The following MATR3 variants were observed in gnomAD, a reference collection of about 807,000 sequenced individuals.
MATR3 encodes matrin-3.
MATR3 carries 4 observed loss-of-function variants against 85.5 expected under a neutral mutation model. That is an observed-to-expected ratio of 0.05 (90% CI 0.02 to 0.11). MATR3 has a LOEUF of 0.11. MATR3 is among the 10% of genes least tolerant of loss of function. The pLI is 1.00. For missense variants in MATR3, 685 were observed against 1,016.1 expected (o/e 0.67, Z 4.43); for synonymous variants, 336 against 343.1 (o/e 0.98, Z 0.23).
rs886060005 is a variant in MATR3 at position 139,331,617 on chromosome 5, G to T, written c.*2222G>T. The T allele has an allele frequency of 2.4e-5, 11 of 453,810 alleles. No individual in the cohort carries two copies. Among genetic ancestry groups the T allele is most frequent in the Non-Finnish European group, 4.4e-5 (10 of 226,766 alleles). 28.1% of individuals were successfully genotyped at this position (453,810 alleles called of 1,614,324 possible). On this transcript the variant is annotated 3_prime_UTR_variant, in exon 15 of 15. Coordinates refer to ENST00000394805, the MANE Select transcript of MATR3 (RefSeq NM_018834.6). ...GAACATTTTTCCTACGGCTATGTCA[G>T]CCCTTAGTTTAATCTTACATTATCC... is the stretch of plus-strand genomic sequence containing the variant.
intron 4 of MATR3, 116 bp from the exon 5 acceptor site, chr5:139,315,960 A>C: frequency 1.2e-6 from 1 of 856,514 alleles, no homozygotes; most frequent in East Asian, 2.5e-5. Flanking sequence ...CTTCACAGAT[A>C]CTCTGAAAGA....
chr5:139,278,716 T>C (rs1167148241), intron 2 of MATR3: 1 of 474,054 alleles, frequency 2.1e-6, no homozygotes, highest in African/African-American at 2.0e-5. Flanking sequence ...ATTCAACTGA[T>C]ACGTCTTCTA....
chr5:139,315,112 T>C (rs1327567033), intron 3 of MATR3: 1 of 212,026 alleles, frequency 4.7e-6, no homozygotes, highest in African/African-American at 2.4e-5. Flanking sequence ...TATTAAAAGA[T>C]TCTAATTCAT....
At chr5:139,280,866 A>G (rs548474719) in intron 3 of MATR3, among the ~76,000 whole-genome samples, 1 of 152,206 alleles carries the variant, frequency 6.6e-6, no homozygotes, top group South Asian at 2.1e-4. Flanking sequence ...AATATCCCAA[A>G]AGGCATCAAT....
At chr5:139,311,278 A>G (rs921639864) in intron 2 of MATR3, 1 of 152,212 alleles carries the variant, frequency 6.6e-6, no homozygotes, top group Non-Finnish European at 1.5e-5. Context: ...TCTCAGATAC[A>G]TCAAGGTGAA....
At chr5:139,283,106 C>G (rs988490903) in intron 3 of MATR3, 1 of 152,266 alleles carries the variant, frequency 6.6e-6, no homozygotes, top group Non-Finnish European at 1.5e-5. Context: ...TGCTGTAGTC[C>G]TTACATGGCT....
chr5:139,293,698 C>T, upstream of MATR3: 1 of 329,204 alleles, frequency 3.0e-6, no homozygotes, highest in Non-Finnish European at 5.5e-6. Flanking sequence ...GCTGCAGCCG[C>T]TGCCGCCGCT....
chr5:139,298,853 C>G (rs1308866419), intron 1 of MATR3, among the ~76,000 whole-genome samples: 1 of 152,066 alleles, frequency 6.6e-6, no homozygotes, highest in Non-Finnish European at 1.5e-5. Flanking sequence ...TTGAAAACAA[C>G]TTAAATGTTC....
chr5:139,317,006 A>G (rs1755282092), intron 5 of MATR3, 47 bp from the exon 6 acceptor site: 1 of 1,547,974 alleles, frequency 6.5e-7, no homozygotes, highest in Non-Finnish European at 8.9e-7. Flanking sequence ...TGCTTCTTTA[A>G]GCAAGTATAG....
intron 14 of MATR3, among the ~76,000 whole-genome samples, chr5:139,328,959 C>T (rs568104708): frequency 3.2e-4 from 49 of 151,950 alleles, no homozygotes; most frequent in African/African-American, 1.1e-3. Context: ...TAGCCGAGAT[C>T]ACGACACTGC....
intron 1 of MATR3, chr5:139,294,048 A>C: frequency 7.9e-7 from 1 of 1,272,682 alleles, no homozygotes; most frequent in South Asian, 2.6e-5. Flanking sequence ...CCGGGAGGGA[A>C]ACACGCGGCC....
chr5:139,280,794 T>C (rs1295061673), intron 3 of MATR3: 1 of 152,098 alleles, frequency 6.6e-6, no homozygotes, highest in Admixed American at 6.6e-5. Context: ...GCGCTATCCA[T>C]GTGCAGAGAC....
At chr5:139,300,240 C>CTG (rs1390118365) in intron 1 of MATR3, among the ~76,000 whole-genome samples, 5 of 152,110 alleles carry the variant, frequency 3.3e-5, no homozygotes, top group African/African-American at 1.2e-4. Flanking sequence ...TGGTGTGCAC[C>CTG]TGTAACCCCA....
intron 12 of MATR3, among the ~76,000 whole-genome samples, chr5:139,324,956 C>A (rs1297450516): frequency 6.6e-6 from 1 of 151,966 alleles, no homozygotes; most frequent in Non-Finnish European, 1.5e-5. Context: ...CTTTGGGAGG[C>A]CGAGGTGGGT....
At position 139,330,964 on chromosome 5, in the gene MATR3, G is replaced by T. The variant is rs147136715; in HGVS notation, c.*1569G>T. On this transcript the variant is annotated 3_prime_UTR_variant, in exon 15 of 15. Transcript: ENST00000394805. ...TGCCACTATACCTGGCTAGTTTTTG[G>T]TTTTTTTGTATAGATGGGGCTTTGC... The T allele has an allele frequency of 3.0e-4, 136 of 453,916 alleles. No homozygotes were observed. The highest frequency in any genetic ancestry group is 4.9e-4 in the East Asian group (7 of 14,370). 28.1% of individuals were successfully genotyped at this position (453,916 alleles called of 1,614,324 possible).
At chr5:139,325,360 C>T (rs549101535) in intron 12 of MATR3, 80 bp from the exon 13 acceptor site, 138 of 1,585,640 alleles carry the variant, frequency 8.7e-5, no homozygotes, top group East Asian at 1.8e-4. Flanking sequence ...GAGGAAGATT[C>T]GGAACTTCAG....
chr5:139,304,275 G>A (rs1301415886), intron 1 of MATR3, among the ~76,000 whole-genome samples: 2 of 152,046 alleles, frequency 1.3e-5, no homozygotes, highest in Non-Finnish European at 2.9e-5. Flanking sequence ...TTGAGAGGAC[G>A]AGGCAGGGGG....
chr5:139,322,943 A>T lies in MATR3; in HGVS notation c.2124A>T (p.Ala708=). 6.2e-7 allele frequency: 1 copy of T among 1,614,178 alleles called. No individual in the cohort carries two copies. Among genetic ancestry groups the T allele is most frequent in the Non-Finnish European group, 8.5e-7 (1 of 1,180,034 alleles). Residue 708 remains alanine (A), a synonymous_variant, in exon 12 of 15, where the codon GCA becomes GCT. Transcript: ENST00000394805. ...TGAAAAAAGATGGAAGTGCTTCAGC[A>T]GCAGCAAAGAAAAAGCTTAAAAAGG... is the stretch of plus-strand genomic sequence containing the variant. ...KAVKKDGSAS[A]AAKKKLKKVD...
At chr5:139,279,746 C>T (rs1039049999) in intron 3 of MATR3, 2 of 152,876 alleles carry the variant, frequency 1.3e-5, no homozygotes, top group Admixed American at 6.5e-5. Flanking sequence ...TCGTGATCCA[C>T]CTGCCTTGGC....
Sources: allele counts gnomAD v4.1 joint callset (sites outside exome capture counted in the v4.1 genomes callset), GRCh38; gene constraint gnomAD v4.1.1; transcripts MANE v1.5; gene names NCBI Gene and HGNC (gene_info 2026-07-23, HGNC 2026-07-21).